The following MEF2C variants were observed in gnomAD, a reference collection of about 807,000 sequenced individuals.
MEF2C encodes the protein myocyte enhancer factor 2C, also known as myocyte-specific enhancer factor 2C.
Under a neutral mutation model 50.5 loss-of-function variants are expected in MEF2C, and 6 were observed. The observed-to-expected ratio is 0.12, with a 90% CI of 0.07 to 0.23. The LOEUF (loss-of-function observed/expected upper bound fraction) is 0.23, where lower values mean the gene tolerates loss of function less well. Ranked by LOEUF, MEF2C falls within the 10% of genes least tolerant of loss-of-function variation. The pLI is 1.00. For synonymous variants in MEF2C, 183 were observed against 228.0 expected (o/e 0.80, Z 1.78); for missense variants, 276 against 605.0 (o/e 0.46, Z 5.70).
At chr5:88,735,396 A>T in intron 6 of MEF2C, 1 of 985,378 alleles carries the variant, frequency 1.0e-6, no homozygotes, top group Non-Finnish European at 1.2e-6. Context: ...TTATCAATTT[A>T]GACGTGACTG....
chr5:88,891,472 G>C (rs1014220170), intron 1 of MEF2C, among the ~76,000 whole-genome samples: 1 of 142,170 alleles, frequency 7.0e-6, no homozygotes, highest in East Asian at 2.1e-4. Flanking sequence ...ATCTTGGCTC[G>C]GCTCACTGAA....
intron 3 of MEF2C, among the ~76,000 whole-genome samples, chr5:88,791,039 T>C (rs1793511310): frequency 6.6e-6 from 1 of 152,236 alleles, no homozygotes; most frequent in Non-Finnish European, 1.5e-5. Flanking sequence ...TTCATGACTA[T>C]ATATTCAGTA....
intron 1 of MEF2C, among the ~76,000 whole-genome samples, chr5:88,878,183 T>C (rs1238975824): frequency 6.6e-6 from 1 of 152,034 alleles, no homozygotes; most frequent in Non-Finnish European, 1.5e-5. Flanking sequence ...ATATACAGAA[T>C]GAAGTTCAAT....
intron 1 of MEF2C, among the ~76,000 whole-genome samples, chr5:88,855,766 T>C (rs556608679): frequency 8.5e-5 from 13 of 152,326 alleles, no homozygotes; most frequent in African/African-American, 2.6e-4. Flanking sequence ...GATTGTAAGT[T>C]TCCTGATACT....
At chr5:88,790,266 C>T (rs1335942677) in intron 3 of MEF2C, among the ~76,000 whole-genome samples, 4 of 152,128 alleles carry the variant, frequency 2.6e-5, no homozygotes, top group Non-Finnish European at 5.9e-5. Context: ...CATAAAATTA[C>T]AAAGAGGAAA....
chr5:88,770,169 G>T (rs1046128333), intron 3 of MEF2C, among the ~76,000 whole-genome samples: 2 of 152,184 alleles, frequency 1.3e-5, no homozygotes, highest in Admixed American at 6.5e-5. Context: ...TATAATAATT[G>T]TAACTTCACA....
intron 1 of MEF2C, chr5:88,825,567 A>G (rs1332913741): frequency 1.0e-6 from 1 of 980,018 alleles, no homozygotes; most frequent in Non-Finnish European, 1.2e-6. Context: ...AAAAATAGTT[A>G]TAACATATTG....
At chr5:88,897,205 A>G (rs1835202683) in intron 1 of MEF2C, among the ~76,000 whole-genome samples, 1 of 152,198 alleles carries the variant, frequency 6.6e-6, no homozygotes, top group Non-Finnish European at 1.5e-5. Context: ...GATTGCAATG[A>G]TGATTAACTT....
chr5:88,828,434 T>C (rs1294721521), intron 1 of MEF2C, among the ~76,000 whole-genome samples: 2 of 152,006 alleles, frequency 1.3e-5, no homozygotes, highest in Non-Finnish European at 2.9e-5. Flanking sequence ...GCAGATCTTT[T>C]TGATTGACTT....
intron 3 of MEF2C, among the ~76,000 whole-genome samples, chr5:88,787,714 A>G (rs1350547436): frequency 6.6e-6 from 1 of 152,200 alleles, no homozygotes; most frequent in African/African-American, 2.4e-5. Context: ...GTTAAGGAAA[A>G]CCAATCATGG....
Position 88,789,604 on chromosome 5 carries a change from A to G in MEF2C, c.258+14994T>C, listed in dbSNP as rs147967158. On this transcript the variant is annotated intron_variant, in intron 3 of 10. Transcript: ENST00000504921. ...ATTTACTAAAACATAAAGATAAGAG[A>G]TTTAATTGATATGAAGAGGTTTTCA... Among the ~76,000 whole-genome samples, 1,459 of 152,316 alleles carry G rather than the reference A, an allele frequency of 9.6e-3. 7 individuals are homozygous for G. The highest frequency in any genetic ancestry group is 0.015 in the Non-Finnish European group (1,012 of 68,030).
At chr5:88,886,534 C>G (rs1834067605), upstream of MEF2C, among the ~76,000 whole-genome samples, 1 of 152,100 alleles carries the variant, frequency 6.6e-6, no homozygotes, top group Admixed American at 6.5e-5. Context: ...TATTCCAGTT[C>G]TATCATTGGA....
intron 6 of MEF2C, chr5:88,742,814 A>G: frequency 2.0e-6 from 2 of 985,302 alleles, no homozygotes; most frequent in Non-Finnish European, 2.4e-6. Context: ...TTGGTTTTGT[A>G]TATGGAAAGT....
intron 6 of MEF2C, chr5:88,741,171 T>C (rs922418800): frequency 2.0e-6 from 2 of 985,302 alleles, no homozygotes; most frequent in African/African-American, 3.5e-5. Context: ...CCTACTGGTG[T>C]GCTCCCTTCA....
chr5:88,791,734 C>A (rs1352821860), intron 3 of MEF2C, among the ~76,000 whole-genome samples: 1 of 151,964 alleles, frequency 6.6e-6, no homozygotes, highest in Non-Finnish European at 1.5e-5. Flanking sequence ...ATTTTAGACT[C>A]ATTTCTTCTT....
At chr5:88,881,869 G>A (rs189377912) in intron 1 of MEF2C, among the ~76,000 whole-genome samples, 219 of 152,202 alleles carry the variant, frequency 1.4e-3, no homozygotes, top group Non-Finnish European at 1.6e-3. Context: ...CGCACTTTGT[G>A]TCAAAGCAAT....
At chr5:88,813,848 A>G (rs543049107) in intron 2 of MEF2C, among the ~76,000 whole-genome samples, 9 of 152,116 alleles carry the variant, frequency 5.9e-5, no homozygotes, top group South Asian at 2.1e-4. Flanking sequence ...AGCTAATTCT[A>G]TTTTCAAAGG....
Position 88,748,175 on chromosome 5 carries a change from CT to C in MEF2C, c.637+894del, listed in dbSNP as rs1352017235. The C allele has an allele frequency of 5.7e-5, 56 of 983,536 alleles. No homozygotes were observed. In the Middle Eastern group the frequency reaches 1.6e-3, roughly 28 times the overall value. 60.9% of individuals were successfully genotyped at this position (983,536 alleles called of 1,614,324 possible). ...TTTGTAAACCAATTTTCTTTATCTT[CT>C]TTCTTATAATTAGCAGGCTATTCTA... On this transcript the variant is annotated intron_variant, in intron 6 of 10. Coordinates refer to ENST00000504921, the MANE Select transcript of MEF2C (RefSeq NM_002397.5).
At chr5:88,828,124 T>G (rs1454137249) in intron 1 of MEF2C, among the ~76,000 whole-genome samples, 1 of 151,938 alleles carries the variant, frequency 6.6e-6, no homozygotes, top group Non-Finnish European at 1.5e-5. Flanking sequence ...AAACCACATA[T>G]CAAGCGTATC....
Sources: gnomAD v4.1 joint callset for allele counts (sites outside exome capture counted in the v4.1 genomes callset) on GRCh38, gnomAD v4.1.1 for gene constraint, MANE v1.5 for transcripts, NCBI Gene and HGNC (gene_info 2026-07-23, HGNC 2026-07-21) for gene names.